Variants in LINC00305 observed in about 807,000 individuals in gnomAD.
The protein encoded by LINC00305 is long intergenic non-protein coding RNA 305.
chr18:64,093,540 G>T (rs907073688), intron 3 of LINC00305, among the ~76,000 whole-genome samples: 2 of 152,100 alleles, frequency 1.3e-5, no homozygotes, highest in African/African-American at 4.8e-5. Flanking sequence ...CACCATGTTG[G>T]CCAGGTTGGT....
At chr18:64,093,522 T>C (rs1464855612) in intron 3 of LINC00305, among the ~76,000 whole-genome samples, 1 of 152,084 alleles carries the variant, frequency 6.6e-6, no homozygotes, top group Non-Finnish European at 1.5e-5. Context: ...TTTATAGAGA[T>C]GGTGTTTCAC....
At chr18:64,082,288 A>G (rs771485212) in intron 3 of LINC00305, among the ~76,000 whole-genome samples, 6 of 151,924 alleles carry the variant, frequency 3.9e-5, no homozygotes, top group Non-Finnish European at 7.4e-5. Context: ...GGAACAGAAG[A>G]CAACAGAACA....
At chr18:64,145,603 A>G (rs2051493735) in intron 1 of LINC00305, among the ~76,000 whole-genome samples, 1 of 152,130 alleles carries the variant, frequency 6.6e-6, no homozygotes, top group South Asian at 2.1e-4. Flanking sequence ...TTTAGTGGAG[A>G]CAGGGTTTCA....
At chr18:64,111,635 A>T (rs1025537539) in intron 1 of LINC00305, among the ~76,000 whole-genome samples, 12 of 117,154 alleles carry the variant, frequency 1.0e-4, no homozygotes, top group African/African-American at 3.5e-4. Context: ...TAGCCCTGTT[A>T]CCGTGTATGC....
chr18:64,091,947 G>A (rs2051226374), intron 3 of LINC00305, among the ~76,000 whole-genome samples: 1 of 152,162 alleles, frequency 6.6e-6, no homozygotes, highest in South Asian at 2.1e-4. Context: ...CCTGATAGTG[G>A]TATTTATTTA....
exon 4 of LINC00305, chr18:64,080,300 G>A (rs1399030758): frequency 4.4e-6 from 2 of 457,306 alleles, no homozygotes; most frequent in Non-Finnish European, 8.8e-6. Flanking sequence ...ACGTCATCCA[G>A]CTTAGTGATC....
chr18:64,142,838 A>T (rs1421517633), intron 1 of LINC00305, among the ~76,000 whole-genome samples: 4 of 152,200 alleles, frequency 2.6e-5, no homozygotes, highest in Non-Finnish European at 5.9e-5. Flanking sequence ...ATGAATAAGT[A>T]AAACGAGATG....
chr18:64,112,342 A>G (rs1348496407), intron 1 of LINC00305, among the ~76,000 whole-genome samples: 1 of 152,106 alleles, frequency 6.6e-6, no homozygotes, highest in Non-Finnish European at 1.5e-5. Context: ...GCTCAAAAAA[A>G]AAAAAAAAAA....
At chr18:64,080,767 A>G (rs1341340215) in intron 3 of LINC00305, among the ~76,000 whole-genome samples, 1 of 152,162 alleles carries the variant, frequency 6.6e-6, no homozygotes, top group Non-Finnish European at 1.5e-5. Flanking sequence ...TAAAATATAT[A>G]ATTGCATATT....
chr18:64,116,118 C>T (rs9954667), intron 1 of LINC00305, among the ~76,000 whole-genome samples: 24,921 of 152,034 alleles, frequency 0.16, 2,146 homozygotes, highest in Admixed American at 0.22. Context: ...TCCATTATTG[C>T]GACATCCTTA....
intron 1 of LINC00305, among the ~76,000 whole-genome samples, chr18:64,099,054 A>G (rs920154415): frequency 2.0e-5 from 3 of 152,180 alleles, no homozygotes; most frequent in Non-Finnish European, 2.9e-5. Context: ...TAAGAGGAGA[A>G]GATATCCTGT....
At chr18:64,127,181 A>C (rs974286988) in intron 1 of LINC00305, among the ~76,000 whole-genome samples, 82 of 151,992 alleles carry the variant, frequency 5.4e-4, no homozygotes, top group African/African-American at 2.0e-3. Context: ...TTGCTCCCTC[A>C]TCTCAATATT....
Position 64,125,458 on chromosome 18 carries a change from C to T in LINC00305, n.314+23317G>A, listed in dbSNP as rs1480455454. Among the ~76,000 whole-genome samples, 4 of 152,072 alleles carry T rather than the reference C, an allele frequency of 2.6e-5. No individual in the cohort carries two copies. In the South Asian group the frequency reaches 8.3e-4, roughly 31 times the overall value. Reference sequence around the variant, plus strand: ...TTACTCTTATCTTAATTCGTATTCTCAAATATTTATCCCTTAATTATACCA... The same window carrying T: ...TTACTCTTATCTTAATTCGTATTCTTAAATATTTATCCCTTAATTATACCA... On this transcript the variant is annotated intron_variant and non_coding_transcript_variant, in intron 1 of 3. Transcript: ENST00000666468.
chr18:64,142,767 A>G (rs2051470163), intron 1 of LINC00305, among the ~76,000 whole-genome samples: 2 of 152,060 alleles, frequency 1.3e-5, no homozygotes, highest in African/African-American at 4.8e-5. Flanking sequence ...ATATAACCCC[A>G]GGAACCTTCT....
intron 1 of LINC00305, among the ~76,000 whole-genome samples, chr18:64,143,300 C>G (rs1599233423): frequency 1.3e-5 from 2 of 152,132 alleles, no homozygotes; most frequent in African/African-American, 4.8e-5. Context: ...TAACAAAGCA[C>G]CAAGATGACA....
intron 1 of LINC00305, among the ~76,000 whole-genome samples, chr18:64,103,689 A>G (rs2051277183): frequency 6.6e-6 from 1 of 152,292 alleles, no homozygotes; most frequent in Middle Eastern, 3.4e-3. Flanking sequence ...TCTAACCTCC[A>G]TGGCTGATAA....
chr18:64,143,518 ATACATATTATGTG>A (rs2051474777), intron 1 of LINC00305, among the ~76,000 whole-genome samples: 1 of 148,556 alleles, frequency 6.7e-6, no homozygotes, highest in Non-Finnish European at 1.5e-5. Context: ...TACCATCAAT[ATACATATTATGTG>A]TACATATATA....
At chr18:64,104,879 C>T (rs1411085011) in intron 1 of LINC00305, among the ~76,000 whole-genome samples, 1 of 151,890 alleles carries the variant, frequency 6.6e-6, no homozygotes, top group Non-Finnish European at 1.5e-5. Context: ...CCGGAGGCCT[C>T]TCTACCCTTC....
At chr18:64,109,332 A>C (rs1178596813) in intron 1 of LINC00305, among the ~76,000 whole-genome samples, 2 of 152,174 alleles carry the variant, frequency 1.3e-5, no homozygotes, top group Non-Finnish European at 2.9e-5. Context: ...GATGGTGTGA[A>C]AGGTTGGAGA....
Sources: allele counts gnomAD v4.1 joint callset (sites outside exome capture counted in the v4.1 genomes callset), GRCh38; gene constraint gnomAD v4.1.1; transcripts MANE v1.5; gene names NCBI Gene and HGNC (gene_info 2026-07-23, HGNC 2026-07-21).